Variants in SIGLEC5 observed in about 807,000 individuals in gnomAD.
SIGLEC5 encodes sialic acid-binding Ig-like lectin 5.
Under a neutral mutation model 45.9 loss-of-function variants are expected in SIGLEC5, and 34 were observed. The ratio of observed to expected loss-of-function variants is 0.74; its 90% CI spans 0.56 to 0.99. The LOEUF (loss-of-function observed/expected upper bound fraction) is 0.99, where lower values mean the gene tolerates loss of function less well. Among genes scored for constraint, SIGLEC5 ranks in the 50% least tolerant of loss-of-function variants. SIGLEC5 has a pLI of 0.00. For missense variants in SIGLEC5, 508 were observed against 629.6 expected (o/e 0.81, Z 2.07); for synonymous variants, 203 against 258.6 (o/e 0.79, Z 2.06).
At chr19:51,629,174 C>T (rs954089457) in intron 3 of SIGLEC5, 98 bp from the exon 4 acceptor site, 20 of 1,526,112 alleles carry the variant, frequency 1.3e-5, no homozygotes, top group East Asian at 2.3e-5. Context: ...ACCCACCAAG[C>T]GGGGAAGGCT....
chr19:51,618,443 T>TAAAAAAAAA lies in SIGLEC5; in HGVS notation c.1465-6030_1465-6022dup, dbSNP rs1228951315. Among the ~76,000 whole-genome samples the TAAAAAAAAA allele has an allele frequency of 1.8e-3, 87 of 49,450 alleles. 8 individuals carry two copies. The highest frequency in any genetic ancestry group is 6.6e-3 in the East Asian group (10 of 1,516). 32.4% of individuals were successfully genotyped at this position (49,450 alleles called of 152,430 possible). On this transcript the variant is annotated intron_variant, in intron 8 of 8. Coordinates refer to ENST00000683636, the MANE Select transcript of SIGLEC5 (RefSeq NM_003830.4). The stretch of plus-strand genomic sequence containing the variant: ...CCGCATGAGTGAGTGAGACCCTGCC[T>TAAAAAAAAA]AAAAAAAAAAAAAAAAAAAAAAAAA...
Position 51,611,825 on chromosome 19 carries a change from C to G in SIGLEC5, c.*406G>C, listed in dbSNP as rs1353481807. 1 of 153,064 alleles carries G rather than the reference C, an allele frequency of 6.5e-6. No homozygotes were observed. The allele number at this position is 153,064 out of a possible 1,614,324, so 9.5% of individuals were successfully genotyped here. Reference sequence around the variant, plus strand: ...CATATTGCTGCCCTGTTTTTTGTGCCTGGTCATCCCCAGCCTTGAGAGAAC... The same window carrying G: ...CATATTGCTGCCCTGTTTTTTGTGCGTGGTCATCCCCAGCCTTGAGAGAAC... On this transcript the variant is annotated 3_prime_UTR_variant, in exon 9 of 9. Transcript: ENST00000683636.
intron 8 of SIGLEC5, among the ~76,000 whole-genome samples, chr19:51,614,534 G>C (rs990299467): frequency 2.0e-5 from 3 of 152,080 alleles, no homozygotes; most frequent in Non-Finnish European, 4.4e-5. Context: ...TTAGGCACAA[G>C]AAAGATGAAA....
In SIGLEC5 at chr19:51,627,656, A is replaced by G; in HGVS notation, c.1088T>C (p.Leu363Pro). Residue 363 changes from leucine to proline, a missense_variant, in exon 6 of 9, where the codon CTG becomes CCG. By Grantham distance (98) the Leu-to-Pro change is moderately conservative. Transcript: ENST00000683636. ...CSFRARPAPS[L>P]CWRLEEKPLE... Reference sequence around the variant, plus strand: ...CGGCTTCTCCTCAAGCCGCCAGCACAGGGAGGGGGCCGGCCGGGCTCGAAA... The same window carrying G: ...CGGCTTCTCCTCAAGCCGCCAGCACGGGGAGGGGGCCGGCCGGGCTCGAAA... 6.2e-7 allele frequency: 1 copy of G among 1,612,004 alleles called. No homozygotes were observed. Among genetic ancestry groups the G allele is most frequent in the Non-Finnish European group, 8.5e-7 (1 of 1,179,490 alleles).
chr19:51,627,376 G>T, intron 6 of SIGLEC5, 86 bp downstream of exon 6: 1 of 1,548,128 alleles, frequency 6.5e-7, no homozygotes. Flanking sequence ...CCCACCACCA[G>T]TCCAGCCTCT....
intron 4 of SIGLEC5, among the ~76,000 whole-genome samples, chr19:51,628,371 C>T (rs1983584948): frequency 6.6e-6 from 1 of 152,160 alleles, no homozygotes; most frequent in Admixed American, 6.5e-5. Context: ...TTGGGAAATA[C>T]AGTCCGCTAA....
rs754536461 is a variant in SIGLEC5 at position 51,611,609 on chromosome 19, G to A, written c.*622C>T. The stretch of plus-strand genomic sequence containing the variant: ...AGACTCAACTCTTTGGCTGTTGGAA[G>A]GATTCCTATGGGTCTCATAAATGAA... On this transcript the variant is annotated 3_prime_UTR_variant, in exon 9 of 9. Transcript: ENST00000683636. Among the ~76,000 whole-genome samples the A allele has an allele frequency of 2.6e-5, 4 of 152,182 alleles. No individual in the cohort carries two copies. The highest frequency in any genetic ancestry group is 5.9e-5 in the Non-Finnish European group (4 of 68,036).
chr19:51,626,325 A>G (rs1344720912), intron 7 of SIGLEC5, among the ~76,000 whole-genome samples: 3 of 152,164 alleles, frequency 2.0e-5, no homozygotes, highest in Non-Finnish European at 4.4e-5. Flanking sequence ...TTTCCATCAT[A>G]TAGACCCCCT....
chr19:51,627,033 A>C, intron 7 of SIGLEC5, 116 bp downstream of exon 7: 1 of 735,852 alleles, frequency 1.4e-6, no homozygotes, highest in Non-Finnish European at 2.3e-6. Context: ...ACTCCTGAGC[A>C]TCTGGAACCA....
chr19:51,618,443 T>TAAAAAAAAAAAAA (rs1228951315), intron 8 of SIGLEC5, among the ~76,000 whole-genome samples: 4 of 49,452 alleles, frequency 8.1e-5, no homozygotes, highest in Admixed American at 6.4e-4. Flanking sequence ...AGACCCTGCC[T>TAAAAAAAAAAAAA]AAAAAAAAAA....
chr19:51,612,546 A>G lies in SIGLEC5; in HGVS notation c.1465-124T>C, dbSNP rs1379397244. ...AATGTAAGTTGGACTTTCTCATGCC[A>G]GAAGCAGGGCTTAGTCACCTGGACA... is the stretch of plus-strand genomic sequence containing the variant. On this transcript the variant is annotated intron_variant, in intron 8 of 8. Coordinates refer to ENST00000683636, the MANE Select transcript of SIGLEC5 (RefSeq NM_003830.4). 4 of 701,220 alleles carry G rather than the reference A, an allele frequency of 5.7e-6. No individual in the cohort carries two copies. In the Admixed American group the frequency reaches 1.3e-4, roughly 24 times the overall value. The allele number at this position is 701,220 out of a possible 1,614,324, so 43.4% of individuals were successfully genotyped here. A position where few individuals can be genotyped will look rare whatever the true frequency, so the allele number is the denominator to read the frequency against.
chr19:51,612,381 T>C lies in SIGLEC5; in HGVS notation c.1506A>G (p.Gln502=), dbSNP rs929412325. The C allele has an allele frequency of 6.2e-7, 1 of 1,613,242 alleles. No homozygotes were observed. The highest frequency in any genetic ancestry group is 8.5e-7 in the Non-Finnish European group (1 of 1,179,568). The change falls in exon 9 of 9, where the codon CAA becomes CAG. Residue 502 remains glutamine, a synonymous_variant. Transcript: ENST00000683636. ...KKPWPDSPGD[Q]ASPPGDAPPL... Reference sequence around the variant, plus strand: ...GAGGGGCATCCCCAGGAGGAGATGCTTGATCTCCGGGGCTGTCTGGCCAGG... The same window carrying C: ...GAGGGGCATCCCCAGGAGGAGATGCCTGATCTCCGGGGCTGTCTGGCCAGG...
At chr19:51,625,555 C>T (rs10421678) in intron 8 of SIGLEC5, among the ~76,000 whole-genome samples, 10 of 152,138 alleles carry the variant, frequency 6.6e-5, no homozygotes, top group East Asian at 1.9e-4. Context: ...GGTGGCCGGG[C>T]GCGGTGGCTT....
intron 8 of SIGLEC5, among the ~76,000 whole-genome samples, 179 bp from the exon 9 acceptor site, chr19:51,612,601 TC>T (rs2122609407): frequency 6.6e-6 from 1 of 152,326 alleles, no homozygotes; most frequent in Admixed American, 6.5e-5. Flanking sequence ...TCCTCCCAGT[TC>T]CCCAAGGTGG....
chr19:51,619,155 A>G (rs1280657235), intron 8 of SIGLEC5, among the ~76,000 whole-genome samples: 6 of 152,078 alleles, frequency 3.9e-5, no homozygotes, highest in African/African-American at 1.4e-4. Context: ...GCTCACTGCA[A>G]CCTCCACCTC....
At chr19:51,616,637 C>T (rs999556145) in intron 8 of SIGLEC5, among the ~76,000 whole-genome samples, 1 of 152,012 alleles carries the variant, frequency 6.6e-6, no homozygotes, top group Non-Finnish European at 1.5e-5. Context: ...ACTGGCCAGG[C>T]GTGGTGGCTC....
rs375088094 is a variant in SIGLEC5, at chr19:51,626,130, G to T, written c.1383-17C>A. ...GCTTTCACTCTAAGGAAAGAAACCA[G>T]CACAGTGCAGCTGGGACCACCCAGG... is the stretch of plus-strand genomic sequence containing the variant. On this transcript the variant is annotated splice_polypyrimidine_tract_variant and intron_variant, in intron 7 of 8. Transcript: ENST00000683636. 4 of 1,609,420 alleles carry T rather than the reference G, an allele frequency of 2.5e-6. No individual in the cohort carries two copies. The African/African-American group carries it at 4.0e-5, about 16-fold the overall frequency.
At chr19:51,622,655 A>G (rs774126386) in intron 8 of SIGLEC5, among the ~76,000 whole-genome samples, 20 of 152,216 alleles carry the variant, frequency 1.3e-4, no homozygotes, top group Non-Finnish European at 1.2e-4. Context: ...ATTTTAATAC[A>G]TGGCAGAATT....
At chr19:51,623,096 C>T (rs1007393090) in intron 8 of SIGLEC5, among the ~76,000 whole-genome samples, 11 of 152,198 alleles carry the variant, frequency 7.2e-5, no homozygotes, top group African/African-American at 2.4e-4. Context: ...CCCAATTCTT[C>T]ATGAAGTGTT....
Sources: gnomAD v4.1 joint callset for allele counts (sites outside exome capture counted in the v4.1 genomes callset) on GRCh38, gnomAD v4.1.1 for gene constraint, MANE v1.5 for transcripts, NCBI Gene and HGNC (gene_info 2026-07-23, HGNC 2026-07-21) for gene names.